The following DLC1 variants were observed in gnomAD, a reference collection of about 807,000 sequenced individuals.
The protein encoded by DLC1 is DLC1 Rho GTPase activating protein.
A neutral mutation model predicts 140.3 loss-of-function variants in DLC1; 54 were observed. The ratio of observed to expected loss-of-function variants is 0.38; its 90% confidence interval spans 0.31 to 0.48. The LOEUF (loss-of-function observed/expected upper bound fraction) is 0.48. Ranked by LOEUF, DLC1 falls within the 20% of genes least tolerant of loss-of-function variation. The pLI, the probability that DLC1 is intolerant of heterozygous loss-of-function variation, is 0.96. For synonymous variants in DLC1, 986 were observed against 728.1 expected (o/e 1.35, Z -5.70); for missense variants, 2,536 against 1,907.0 (o/e 1.33, Z -6.14).
chr8:13,087,002 C>T (rs960225089), intron 16 of DLC1, among the ~76,000 whole-genome samples: 5 of 152,170 alleles, frequency 3.3e-5, no homozygotes, highest in Non-Finnish European at 7.3e-5. Context: ...CCCCCCATCT[C>T]AAAATAAATA....
intron 1 of DLC1, among the ~76,000 whole-genome samples, chr8:13,579,370 T>TAAAA (rs1563454148): frequency 7.0e-5 from 3 of 42,986 alleles, no homozygotes; most frequent in African/African-American, 3.9e-4. Context: ...TATTTTTATA[T>TAAAA]AATACATATT....
intron 2 of DLC1, among the ~76,000 whole-genome samples, chr8:13,485,555 T>C (rs1397050157): frequency 6.6e-6 from 1 of 152,234 alleles, no homozygotes; most frequent in Non-Finnish European, 1.5e-5. Flanking sequence ...CAGCAGTTTG[T>C]ATGCATCACT....
chr8:13,443,969 C>G (rs1459526399), intron 2 of DLC1, among the ~76,000 whole-genome samples: 2 of 152,138 alleles, frequency 1.3e-5, no homozygotes, highest in Non-Finnish European at 2.9e-5. Context: ...TATCTGAAAT[C>G]CACAAAGCAT....
At chr8:13,284,874 A>G (rs1344026162) in intron 5 of DLC1, among the ~76,000 whole-genome samples, 2 of 152,224 alleles carry the variant, frequency 1.3e-5, no homozygotes, top group African/African-American at 4.8e-5. Context: ...TTGCTAAGAG[A>G]AATTGAAGAA....
At chr8:13,299,860 G>A (rs796426355) in intron 5 of DLC1, among the ~76,000 whole-genome samples, 6 of 152,246 alleles carry the variant, frequency 3.9e-5, no homozygotes, top group African/African-American at 1.4e-4. Flanking sequence ...CCAGAAGCTG[G>A]AGAAGACACA....
intron 2 of DLC1, among the ~76,000 whole-genome samples, chr8:13,424,112 G>A (rs1467802208): frequency 6.6e-6 from 1 of 152,102 alleles, no homozygotes; most frequent in Admixed American, 6.5e-5. Context: ...CACAGCAACA[G>A]TGTTCTGGCA....
At chr8:13,591,565 C>G (rs957123668) in intron 1 of DLC1, among the ~76,000 whole-genome samples, 1 of 152,092 alleles carries the variant, frequency 6.6e-6, no homozygotes, top group Non-Finnish European at 1.5e-5. Context: ...CATAAATTAC[C>G]CAGTCTTGGG....
intron 2 of DLC1, chr8:13,498,756 G>A (rs113810670): frequency 8.4e-5 from 23 of 274,500 alleles, no homozygotes; most frequent in African/African-American, 4.0e-4. Flanking sequence ...GCTATCTAGT[G>A]GCTATTTAAT....
At chr8:13,384,648 T>C (rs1476250055) in intron 4 of DLC1, among the ~76,000 whole-genome samples, 1 of 152,174 alleles carries the variant, frequency 6.6e-6, no homozygotes, top group African/African-American at 2.4e-5. Context: ...AAACCCTGTG[T>C]TCTAAAGTAT....
intron 5 of DLC1, among the ~76,000 whole-genome samples, chr8:13,144,033 G>T (rs1823236750): frequency 6.6e-6 from 1 of 152,150 alleles, no homozygotes. Context: ...GGGTAAAAAG[G>T]GCTGAACAGA....
chr8:13,411,687 G>C (rs2623545), intron 2 of DLC1, among the ~76,000 whole-genome samples: 1 of 152,028 alleles, frequency 6.6e-6, no homozygotes, highest in Non-Finnish European at 1.5e-5. Flanking sequence ...ACCTAAAACT[G>C]CTTTTTAAAA....
In DLC1 at chr8:13,389,015, G is replaced by A. The variant is rs543896827; in HGVS notation, c.1314+4538C>T. Among the ~76,000 whole-genome samples, 8 of 152,076 alleles carry A rather than the reference G, an allele frequency of 5.3e-5. No homozygotes were observed. The East Asian group carries it at 7.7e-4, about 15-fold the overall frequency. ...CCTGTGAATCCCTGTAAAGTATAGC[G>A]TTCAGGAGCATTGAGGATCTGGGTG... On this transcript the variant is annotated intron_variant, in intron 4 of 17. Coordinates refer to ENST00000276297, the MANE Select transcript of DLC1 (RefSeq NM_182643.3).
intron 1 of DLC1, among the ~76,000 whole-genome samples, chr8:13,602,317 A>G (rs1415268490): frequency 6.6e-6 from 1 of 151,790 alleles, no homozygotes; most frequent in Non-Finnish European, 1.5e-5. Flanking sequence ...CCTTATTTGG[A>G]TGCTGATTTA....
chr8:13,601,823 C>T (rs747567730), intron 1 of DLC1, among the ~76,000 whole-genome samples: 7 of 151,654 alleles, frequency 4.6e-5, no homozygotes, highest in Non-Finnish European at 1.0e-4. Context: ...CAGCAAAACA[C>T]CCTTCTTTGG....
Position 13,568,531 on chromosome 8 carries a change from G to T in DLC1, c.-126+36006C>A, listed in dbSNP as rs77982342. 6.6e-4 allele frequency among the ~76,000 whole-genome samples: 101 copies of T among 152,220 alleles called. 1 individual carries two copies. In the East Asian group the frequency reaches 0.011, roughly 17 times the overall value. On this transcript the variant is annotated intron_variant, in intron 1 of 1. Coordinates refer to the DLC1 transcript ENST00000631382. Reference sequence around the variant, plus strand: ...GGGGTAGGACTGGGGGAAGGGTGGGGATCAATGGCATATAGCTGGAAGTTG... The same window carrying T: ...GGGGTAGGACTGGGGGAAGGGTGGGTATCAATGGCATATAGCTGGAAGTTG...
chr8:13,086,257 T>C (rs766789761), intron 17 of DLC1, 33 bp downstream of exon 17: 4 of 1,600,928 alleles, frequency 2.5e-6, no homozygotes, highest in African/African-American at 1.3e-5. Context: ...TTCATGACCC[T>C]CACCATATAA....
intron 2 of DLC1, among the ~76,000 whole-genome samples, chr8:13,451,306 T>G (rs560510713): frequency 6.6e-6 from 1 of 152,256 alleles, no homozygotes; most frequent in East Asian, 1.9e-4. Context: ...CATGCAATGC[T>G]TCTTAATCAC....
intron 4 of DLC1, among the ~76,000 whole-genome samples, chr8:13,383,109 A>G (rs1836347972): frequency 6.6e-6 from 1 of 152,202 alleles, no homozygotes; most frequent in African/African-American, 2.4e-5. Flanking sequence ...TCACTTGCAA[A>G]CACGGGGCAT....
intron 1 of DLC1, among the ~76,000 whole-genome samples, chr8:13,569,537 C>G (rs369842765): frequency 6.6e-6 from 1 of 151,896 alleles, no homozygotes; most frequent in African/African-American, 2.4e-5. Context: ...AATAATTTTC[C>G]CTTTAGAATT....
Sources: gnomAD v4.1 joint callset for allele counts (sites outside exome capture counted in the v4.1 genomes callset) on GRCh38, gnomAD v4.1.1 for gene constraint, MANE v1.5 for transcripts, NCBI Gene and HGNC (gene_info 2026-07-23, HGNC 2026-07-21) for gene names.